The following MYO18A variants were observed in gnomAD, a reference collection of about 807,000 sequenced individuals.
MYO18A encodes unconventional myosin-XVIIIa.
Under a neutral mutation model 235.8 loss-of-function variants are expected in MYO18A, and 78 were observed. The ratio of observed to expected loss-of-function variants is 0.33; its 90% confidence interval spans 0.28 to 0.40. MYO18A has a LOEUF of 0.40. MYO18A is among the 10% of genes least tolerant of loss of function. The pLI is 1.00. For synonymous variants in MYO18A, 977 were observed against 1,077.8 expected (o/e 0.91, Z 1.83); for missense variants, 2,215 against 2,699.3 (o/e 0.82, Z 3.98).
intron 3 of MYO18A, 25 bp downstream of exon 3, chr17:29,122,141 T>G: frequency 1.2e-6 from 2 of 1,605,242 alleles, no homozygotes; most frequent in Non-Finnish European, 1.7e-6. Context: ...TCCTGACATG[T>G]GCCCCCAGAC....
intron 11 of MYO18A, 50 bp downstream of exon 11, chr17:29,116,394 T>C: frequency 6.2e-7 from 1 of 1,612,470 alleles, no homozygotes; most frequent in South Asian, 1.1e-5. Context: ...TCAGCCAACA[T>C]GTGTCTAATC....
At chr17:29,105,792 C>T in intron 20 of MYO18A, among the ~76,000 whole-genome samples, 1 of 152,146 alleles carries the variant, frequency 6.6e-6, no homozygotes, top group East Asian at 1.9e-4. Flanking sequence ...GCTGGTCCCC[C>T]TGAGGGCCCA....
At chr17:29,127,957 G>A (rs1472230267) in intron 2 of MYO18A, 2 of 1,004,498 alleles carry the variant, frequency 2.0e-6, no homozygotes, top group Non-Finnish European at 2.4e-6. Context: ...GTGGGGCTGG[G>A]GAGCGCTGCT....
At chr17:29,160,030 T>C (rs1186747882) in intron 2 of MYO18A, among the ~76,000 whole-genome samples, 2 of 152,114 alleles carry the variant, frequency 1.3e-5, no homozygotes, top group Non-Finnish European at 2.9e-5. Flanking sequence ...CAAGGATGGG[T>C]GAACACTAGG....
At chr17:29,116,897 AAC>A (rs2067086094) in intron 10 of MYO18A, among the ~76,000 whole-genome samples, 2 of 151,906 alleles carry the variant, frequency 1.3e-5, no homozygotes, top group African/African-American at 4.8e-5. Context: ...AACTTCCCTC[AAC>A]ACACAGCCAC....
intron 1 of MYO18A, among the ~76,000 whole-genome samples, chr17:29,175,659 C>A (rs566036440): frequency 1.3e-5 from 2 of 151,608 alleles, no homozygotes; most frequent in Non-Finnish European, 2.9e-5. Context: ...CCACTGTGTC[C>A]GGCCTACTAC....
In MYO18A at chr17:29,073,896, C is replaced by T; in HGVS notation, c.*874G>A. 1 of 1,611,272 alleles carries T rather than the reference C, an allele frequency of 6.2e-7. No homozygotes were observed. ...CTCAAGTTGAGTTTATGGTCCAGAC[C>T]ACCTGGACAGAGCAGGAGGGAGGCA... is the stretch of plus-strand genomic sequence containing the variant. On this transcript the variant is annotated 3_prime_UTR_variant, in exon 42 of 42. Coordinates refer to ENST00000527372, the MANE Select transcript of MYO18A (RefSeq NM_078471.4).
chr17:29,074,955 C>T lies in MYO18A; in HGVS notation c.6021-41G>A. 6.2e-7 allele frequency: 1 copy of T among 1,609,826 alleles called. No homozygotes were observed. The stretch of plus-strand genomic sequence containing the variant: ...AATAAGGTTAGGGACAAATGACACT[C>T]CTACCATTAAGCACGCACGCCTTTG... On this transcript the variant is annotated intron_variant, in intron 41 of 41. Coordinates refer to ENST00000527372, the MANE Select transcript of MYO18A (RefSeq NM_078471.4). This position sits in a 1 kb window ranked among gnomAD's most constrained non-coding sequence, Gnocchi z 4.4.
At chr17:29,133,503 G>T (rs1290736669) in intron 2 of MYO18A, among the ~76,000 whole-genome samples, 1 of 152,212 alleles carries the variant, frequency 6.6e-6, no homozygotes, top group African/African-American at 2.4e-5. Context: ...AGGCAGCAGG[G>T]TGGTGGGAAG....
intron 10 of MYO18A, among the ~76,000 whole-genome samples, chr17:29,116,800 C>T (rs1306801950): frequency 1.4e-5 from 2 of 142,522 alleles, no homozygotes; most frequent in East Asian, 4.2e-4. Flanking sequence ...GAGAAGATCG[C>T]TGTGCTGACA....
rs2067165854 is a variant in MYO18A at position 29,120,254 on chromosome 17, G to T, written c.1728+362C>A. Among the ~76,000 whole-genome samples, 1 of 152,218 alleles carries T rather than the reference G, an allele frequency of 6.6e-6. No individual in the cohort carries two copies. The highest frequency in any genetic ancestry group is 1.5e-5 in the Non-Finnish European group (1 of 68,048). On this transcript the variant is annotated intron_variant, in intron 7 of 41. Coordinates refer to ENST00000527372, the MANE Select transcript of MYO18A (RefSeq NM_078471.4). The surrounding 1 kb of genome is among the most constrained non-coding windows in gnomAD (Gnocchi z 4.2). The stretch of plus-strand genomic sequence containing the variant: ...CATGGGAGGGAATCAGCCTTGGCTG[G>T]GCCTTACTTTACTGACAAGCCAGTC...
intron 2 of MYO18A, among the ~76,000 whole-genome samples, chr17:29,149,626 A>G (rs997192900): frequency 2.0e-5 from 3 of 152,206 alleles, no homozygotes; most frequent in African/African-American, 7.2e-5. Flanking sequence ...TCAATCCCCA[A>G]AGACTAGGCA....
intron 21 of MYO18A, among the ~76,000 whole-genome samples, 165 bp downstream of exon 21, chr17:29,103,434 G>A (rs1392091399): frequency 6.6e-6 from 1 of 152,248 alleles, no homozygotes; most frequent in Non-Finnish European, 1.5e-5. Context: ...GCCCTGAAGG[G>A]GGCAGCCCCT....
At position 29,120,645 on chromosome 17, in the gene MYO18A, C is replaced by T. The variant is rs1340856536; in HGVS notation, c.1699G>A (p.Ala567Thr). 5 of 1,613,932 alleles carry T rather than the reference C, an allele frequency of 3.1e-6. No homozygotes were observed. The East Asian group carries it at 6.7e-5, about 22-fold the overall frequency. ...SQILSLDFDQAGQVASASIQT... is the reference protein window; with the variant it reads ...SQILSLDFDQTGQVASASIQT... ...ATGGAGGCTGAGGCCACCTGGCCAG[C>T]TTGGTCAAAGTCCAGGGAGAGGATC... The change falls in exon 7 of 42, where the codon GCT (alanine) becomes ACT (threonine). Residue 567 changes from alanine to threonine, a missense_variant. Physicochemically the swap from Ala to Thr is moderately conservative, Grantham distance 58. Coordinates refer to ENST00000527372, the MANE Select transcript of MYO18A (RefSeq NM_078471.4). The surrounding 1 kb of genome is among the most constrained non-coding windows in gnomAD (Gnocchi z 4.2).
At chr17:29,161,270 G>A (rs772446304) in intron 2 of MYO18A, among the ~76,000 whole-genome samples, 7 of 150,886 alleles carry the variant, frequency 4.6e-5, no homozygotes, top group South Asian at 2.1e-4. Context: ...CAGGAGAATC[G>A]CTTGAACCAG....
intron 41 of MYO18A, chr17:29,080,839 G>A: frequency 1.0e-6 from 1 of 985,500 alleles, no homozygotes; most frequent in South Asian, 4.7e-5. Context: ...CTTCCTAGGG[G>A]GCCTCTCAGG....
At chr17:29,171,119 A>G (rs1296575973) in intron 1 of MYO18A, among the ~76,000 whole-genome samples, 3 of 152,142 alleles carry the variant, frequency 2.0e-5, no homozygotes, top group Admixed American at 2.0e-4. Flanking sequence ...GTTGATAAGT[A>G]TATGCACTTG....
intron 20 of MYO18A, among the ~76,000 whole-genome samples, chr17:29,105,250 A>C (rs560946529): frequency 1.3e-5 from 2 of 151,650 alleles, no homozygotes; most frequent in East Asian, 3.9e-4. Context: ...TGAGAAGACC[A>C]GTGCCAGGGC....
In MYO18A at chr17:29,180,167, C is replaced by CCGCT. The variant is rs1490058886; in HGVS notation, c.-82+142_-82+145dup. The CCGCT allele has an allele frequency of 6.6e-6, 1 of 151,854 alleles. No individual in the cohort carries two copies. Among genetic ancestry groups the CCGCT allele is most frequent in the African/African-American group, 2.4e-5 (1 of 41,406 alleles). The allele number at this position is 151,854 out of a possible 1,614,324, so 9.4% of individuals were successfully genotyped here. A position where few individuals can be genotyped will look rare whatever the true frequency, so the allele number is the denominator to read the frequency against. On this transcript the variant is annotated intron_variant, in intron 1 of 41. Transcript: ENST00000527372. This position sits in a 1 kb window ranked among gnomAD's most constrained non-coding sequence, Gnocchi z 6.1. ...CAGGGACGGGAGCCGGGAGTCCGGG[C>CCGCT]CGCTGCTTCCAGGGGACGGGGGAGG...
Sources: gnomAD v4.1 joint callset for allele counts (sites outside exome capture counted in the v4.1 genomes callset) on GRCh38, gnomAD v4.1.1 for gene constraint, Gnocchi (gnomAD v3.1) non-coding constraint, MANE v1.5 for transcripts, NCBI Gene and HGNC (gene_info 2026-07-23, HGNC 2026-07-21) for gene names.